Variants in CNNM1 observed in about 807,000 individuals in gnomAD.
CNNM1 encodes metal transporter CNNM1.
CNNM1 carries 44 observed loss-of-function variants against 78.8 expected under a neutral mutation model. The ratio of observed to expected loss-of-function variants is 0.56; its 90% CI spans 0.44 to 0.72. The LOEUF (loss-of-function observed/expected upper bound fraction) is 0.72, where lower values mean the gene tolerates loss of function less well. Ranked by LOEUF, CNNM1 falls within the 30% of genes least tolerant of loss-of-function variation. The pLI is 0.00. For synonymous variants in CNNM1, 584 were observed against 581.5 expected, an observed-to-expected ratio of 1.00 and a Z score of -0.06; for missense variants, 1,101 against 1,292.2, an observed-to-expected ratio of 0.85 and a Z score of 2.27.
At chr10:99,331,262 G>A (rs2029897826) in intron 1 of CNNM1, among the ~76,000 whole-genome samples, 1 of 152,142 alleles carries the variant, frequency 6.6e-6, no homozygotes, top group Admixed American at 6.6e-5. Context: ...CTGTGTAGGT[G>A]GGAGATAGCC....
chr10:99,375,072 G>A (rs981352666), intron 6 of CNNM1, among the ~76,000 whole-genome samples: 1 of 152,058 alleles, frequency 6.6e-6, no homozygotes, highest in Non-Finnish European at 1.5e-5. Flanking sequence ...GAAGGGAAAT[G>A]GCATTCATCG....
At chr10:99,346,571 C>T (rs2030705065) in intron 1 of CNNM1, among the ~76,000 whole-genome samples, 1 of 152,164 alleles carries the variant, frequency 6.6e-6, no homozygotes, top group African/African-American at 2.4e-5. Context: ...ATTCATTCTC[C>T]CAAACTTATC....
intron 6 of CNNM1, 50 bp from the exon 7 acceptor site, chr10:99,377,005 C>T: frequency 7.4e-5 from 51 of 687,444 alleles, no homozygotes; most frequent in South Asian, 1.5e-4. Context: ...CCCCCTTCTT[C>T]CTCCCCACCC....
chr10:99,347,802 A>T (rs147869267), intron 1 of CNNM1, among the ~76,000 whole-genome samples: 195 of 152,056 alleles, frequency 1.3e-3, no homozygotes, highest in African/African-American at 4.5e-3. Context: ...CTCCCAATGC[A>T]TGACCTTTAC....
intron 7 of CNNM1, among the ~76,000 whole-genome samples, chr10:99,386,108 T>A (rs1203873631): frequency 1.3e-5 from 2 of 152,222 alleles, no homozygotes; most frequent in African/African-American, 4.8e-5. Flanking sequence ...AGTGGAGACC[T>A]GTGGTTCCAT....
chr10:99,389,739 C>A (rs367894359), intron 9 of CNNM1, among the ~76,000 whole-genome samples: 1 of 152,198 alleles, frequency 6.6e-6, no homozygotes, highest in South Asian at 2.1e-4. Context: ...GCAGGCTCAG[C>A]CTCATGGCTT....
chr10:99,365,218 C>A, intron 6 of CNNM1: 2 of 647,850 alleles, frequency 3.1e-6, no homozygotes, highest in East Asian at 5.5e-5. Flanking sequence ...TCTGCTGCTT[C>A]TCTGCTCACA....
At position 99,364,453 on chromosome 10, in the gene CNNM1, C is replaced by T. The variant is rs1430921390; in HGVS notation, c.2065C>T (p.Arg689Cys). Residue 689 changes from arginine (R) to cysteine (C), a missense_variant, in exon 5 of 11, where the codon CGC becomes TGC. Arg to Cys is a radical substitution (Grantham distance 180). Coordinates refer to ENST00000356713, the MANE Select transcript of CNNM1 (RefSeq NM_020348.3). The stretch of plus-strand genomic sequence containing the variant: ...GGTGGAGGTTGGTAAGGAAGGCCTT[C>T]GCTTTGAAAATGGAGCCTTTACTTA... ...VEVEVGKEGL[R>C]FENGAFTYYG... The T allele has an allele frequency of 5.6e-6, 9 of 1,611,722 alleles. No homozygotes were observed. Among genetic ancestry groups the T allele is most frequent in the African/African-American group, 1.3e-5 (1 of 74,668 alleles).
intron 1 of CNNM1, among the ~76,000 whole-genome samples, chr10:99,343,972 C>G (rs548874508): frequency 6.6e-6 from 1 of 151,174 alleles, no homozygotes; most frequent in South Asian, 2.1e-4. Context: ...ATCAGCCCGC[C>G]TTGGCCTCCC....
intron 10 of CNNM1, among the ~76,000 whole-genome samples, chr10:99,390,867 A>G (rs1369645727): frequency 6.6e-6 from 1 of 152,262 alleles, no homozygotes; most frequent in African/African-American, 2.4e-5. Flanking sequence ...ATGGAAGTCA[A>G]TGGTGGAGAG....
intron 7 of CNNM1, among the ~76,000 whole-genome samples, chr10:99,386,473 A>G (rs923015204): frequency 6.6e-6 from 1 of 152,194 alleles, no homozygotes; most frequent in African/African-American, 2.4e-5. Context: ...AGAAAACTCT[A>G]TTTGCCCACT....
intron 1 of CNNM1, among the ~76,000 whole-genome samples, chr10:99,342,222 G>A (rs551942953): frequency 6.6e-6 from 1 of 152,342 alleles, no homozygotes; most frequent in Non-Finnish European, 1.5e-5. Flanking sequence ...GCCTAGGGTA[G>A]GGAGTCAATG....
At chr10:99,352,927 C>G (rs751351586) in intron 1 of CNNM1, among the ~76,000 whole-genome samples, 2 of 150,790 alleles carry the variant, frequency 1.3e-5, no homozygotes, top group Non-Finnish European at 3.0e-5. Context: ...CTAAGGTTTT[C>G]TCCTATGTTT....
chr10:99,392,257 G>A lies in CNNM1; in HGVS notation c.*741G>A, dbSNP rs1359438378. ...GGCTCCCAATCAGCAGTCTTCAATC[G>A]ATCAATAATTCTGCTCTGGAAGAGA... On this transcript the variant is annotated 3_prime_UTR_variant, in exon 11 of 11. Transcript: ENST00000356713. The A allele has an allele frequency of 1.3e-5, 2 of 152,296 alleles. No individual in the cohort carries two copies. Among genetic ancestry groups the A allele is most frequent in the Non-Finnish European group, 1.5e-5 (1 of 68,050 alleles). The allele number at this position is 152,296 out of a possible 1,614,324, so 9.4% of individuals were successfully genotyped here. A position where few individuals can be genotyped will look rare whatever the true frequency, so the allele number is the denominator to read the frequency against.
At chr10:99,343,998 C>T (rs2030570914) in intron 1 of CNNM1, among the ~76,000 whole-genome samples, 1 of 149,580 alleles carries the variant, frequency 6.7e-6, no homozygotes, top group Non-Finnish European at 1.5e-5. Context: ...GCTGGGATTA[C>T]AGGCATAAAC....
intron 7 of CNNM1, among the ~76,000 whole-genome samples, chr10:99,377,960 C>CTTTTTTTTTTTT: frequency 1.1e-5 from 1 of 89,646 alleles, no homozygotes; most frequent in Non-Finnish European, 2.3e-5. Flanking sequence ...TCCATAGGTT[C>CTTTTTTTTTTTT]TTTTTTTTTT....
At chr10:99,389,382 A>C (rs912314168) in intron 9 of CNNM1, among the ~76,000 whole-genome samples, 4 of 140,754 alleles carry the variant, frequency 2.8e-5, no homozygotes, top group Non-Finnish European at 6.0e-5. Flanking sequence ...GCGCCATTGC[A>C]CTCTAGCCTG....
chr10:99,344,255 C>G (rs1352535499), intron 1 of CNNM1, among the ~76,000 whole-genome samples: 1 of 149,834 alleles, frequency 6.7e-6, no homozygotes, highest in Non-Finnish European at 1.5e-5. Flanking sequence ...TCACTTGAAC[C>G]CGGGAGGTGG....
chr10:99,361,502 C>G (rs1277453110), intron 3 of CNNM1, among the ~76,000 whole-genome samples: 1 of 152,182 alleles, frequency 6.6e-6, no homozygotes, highest in Non-Finnish European at 1.5e-5. Context: ...CTAGAATGAT[C>G]ATATCTATCA....
Sources: allele counts gnomAD v4.1 joint callset (sites outside exome capture counted in the v4.1 genomes callset), GRCh38; gene constraint gnomAD v4.1.1; transcripts MANE v1.5; gene names NCBI Gene and HGNC (gene_info 2026-07-23, HGNC 2026-07-21).